Variants in PEAK1 observed in about 807,000 individuals in gnomAD.
The protein encoded by PEAK1 is pseudopodium enriched atypical kinase 1.
Under a neutral mutation model 124.7 loss-of-function variants are expected in PEAK1, and 54 were observed. The ratio of observed to expected loss-of-function variants is 0.43; its 90% CI spans 0.35 to 0.54. The LOEUF is 0.54. Among genes scored for constraint, PEAK1 ranks in the 20% least tolerant of loss-of-function variants. The probability of loss-of-function intolerance (pLI) is 0.01; values close to 1 mark genes in which losing one functional copy is unlikely to be tolerated. For synonymous variants in PEAK1, 719 were observed against 760.0 expected, an observed-to-expected ratio of 0.95 and a Z score of 0.89; for missense variants, 2,046 against 2,134.5, an observed-to-expected ratio of 0.96 and a Z score of 0.82.
At chr15:77,241,079 T>C (rs1252880226) in intron 6 of PEAK1, among the ~76,000 whole-genome samples, 1 of 152,160 alleles carries the variant, frequency 6.6e-6, no homozygotes, top group South Asian at 2.1e-4. Context: ...ATATCTCTCA[T>C]AAACACAAAC....
intron 5 of PEAK1, among the ~76,000 whole-genome samples, chr15:77,256,145 G>A (rs1376372458): frequency 6.6e-6 from 1 of 152,030 alleles, no homozygotes; most frequent in Admixed American, 6.6e-5. Context: ...TACTAATTTG[G>A]GAACATTAAT....
At chr15:77,388,835 G>T in intron 1 of PEAK1, among the ~76,000 whole-genome samples, 1 of 150,962 alleles carries the variant, frequency 6.6e-6, no homozygotes. Context: ...CATCAAACAG[G>T]CCTTATATGA....
At chr15:77,269,753 A>T (rs1488040611) in intron 5 of PEAK1, among the ~76,000 whole-genome samples, 1 of 152,180 alleles carries the variant, frequency 6.6e-6, no homozygotes, top group Non-Finnish European at 1.5e-5. Flanking sequence ...ACTCTCAACA[A>T]ATTTAAGAAA....
chr15:77,319,434 T>G (rs1433315594), intron 2 of PEAK1, among the ~76,000 whole-genome samples: 1 of 152,208 alleles, frequency 6.6e-6, no homozygotes, highest in East Asian at 1.9e-4. Flanking sequence ...AAAGAGTTAA[T>G]CACTGATTTT....
In PEAK1 at chr15:77,181,761, T is replaced by C. The variant is rs375815189; in HGVS notation, c.166A>G (p.Arg56Gly). 9.3e-6 allele frequency: 15 copies of C among 1,614,032 alleles called. No homozygotes were observed. Among genetic ancestry groups the C allele is most frequent in the Non-Finnish European group, 1.3e-5 (15 of 1,180,026 alleles). The stretch of plus-strand genomic sequence containing the variant: ...GGAGGCCGGAAATTGCCCGTGTTCC[T>C]GATGCGGTGGTTGTTACTGTGATTG... Reference protein sequence around the residue: ...NANHSNNHRIRNTGNFRPPVA... With the variant: ...NANHSNNHRIGNTGNFRPPVA... Residue 56 changes from arginine (R) to glycine (G), a missense_variant, in exon 7 of 10, where the codon AGG becomes GGG. Physicochemically the swap from Arg to Gly is moderately radical, Grantham distance 125. Coordinates refer to ENST00000682557, the MANE Select transcript of PEAK1 (RefSeq NM_001385026.1).
intron 6 of PEAK1, among the ~76,000 whole-genome samples, chr15:77,225,694 A>ATATG (rs1381042717): frequency 7.1e-6 from 1 of 140,264 alleles, no homozygotes; most frequent in Non-Finnish European, 1.5e-5. Flanking sequence ...ATATATATAT[A>ATATG]TATGACAATT....
At position 77,120,537 on chromosome 15, in the gene PEAK1, T is replaced by C. The variant is rs777628324; in HGVS notation, c.4078-5218A>G. Among the ~76,000 whole-genome samples the C allele has an allele frequency of 3.9e-5, 6 of 152,314 alleles. No individual in the cohort carries two copies. In the East Asian group the frequency reaches 1.2e-3, roughly 29 times the overall value. ...ATGGCTAATTAATTATCAACTCTCA[T>C]TGACTTTTCTTCTAAATAACTTTCA... On this transcript the variant is annotated intron_variant, in intron 9 of 9. Transcript: ENST00000682557.
intron 5 of PEAK1, among the ~76,000 whole-genome samples, chr15:77,279,346 GA>G (rs2062535961): frequency 6.6e-6 from 1 of 152,074 alleles, no homozygotes; most frequent in African/African-American, 2.4e-5. Context: ...CTGTGGGATG[GA>G]AAAACAAATT....
intron 5 of PEAK1, among the ~76,000 whole-genome samples, chr15:77,268,306 C>T (rs557939046): frequency 6.6e-6 from 1 of 152,116 alleles, no homozygotes; most frequent in Admixed American, 6.5e-5. Context: ...GAAACCCCAT[C>T]TCTCCTAAAA....
At chr15:77,354,222 T>TAC (rs2067367327) in intron 2 of PEAK1, among the ~76,000 whole-genome samples, 1 of 152,192 alleles carries the variant, frequency 6.6e-6, no homozygotes, top group African/African-American at 2.4e-5. Flanking sequence ...TATACCTGAA[T>TAC]ACACACTGGA....
At chr15:77,314,251 C>T (rs1383205705) in intron 2 of PEAK1, among the ~76,000 whole-genome samples, 1 of 151,824 alleles carries the variant, frequency 6.6e-6, no homozygotes, top group African/African-American at 2.4e-5. Context: ...TTTAGTATCC[C>T]CACCCTCAAA....
intron 6 of PEAK1, among the ~76,000 whole-genome samples, chr15:77,236,249 C>G (rs1003450817): frequency 8.5e-5 from 13 of 152,148 alleles, no homozygotes; most frequent in Non-Finnish European, 1.5e-5. Context: ...CAGTGCCAGC[C>G]TGTGAAAGCA....
chr15:77,346,559 G>C (rs2066885640), intron 2 of PEAK1: 7 of 985,356 alleles, frequency 7.1e-6, no homozygotes, highest in Non-Finnish European at 8.4e-6. Flanking sequence ...GCAGAAAATA[G>C]ATGGAAACAG....
At position 77,179,904 on chromosome 15, in the gene PEAK1, G is replaced by A; in HGVS notation, c.2023C>T (p.Pro675Ser). 1 of 1,614,082 alleles carries A rather than the reference G, an allele frequency of 6.2e-7. No individual in the cohort carries two copies. Among genetic ancestry groups the A allele is most frequent in the East Asian group, 2.2e-5 (1 of 44,888 alleles). Residue 675 changes from proline to serine, a missense_variant, in exon 7 of 10, where the codon CCT (proline) becomes TCT (serine). Pro to Ser is a moderately conservative substitution (Grantham distance 74, BLOSUM62 -1). Transcript: ENST00000682557. ...GTGGTTTTGCTAGTGGTGTTATCAG[G>A]CACTTTGCTTTCTGTTTCTATTTCT... ...YEEIETESKV[P>S]DNTTSKTTDC... is the part of the protein sequence containing the mutation.
intron 8 of PEAK1, among the ~76,000 whole-genome samples, chr15:77,148,581 C>T (rs1259471463): frequency 6.6e-6 from 1 of 152,052 alleles, no homozygotes; most frequent in Non-Finnish European, 1.5e-5. Context: ...ATTTTAAATC[C>T]GTTCCACTTT....
chr15:77,193,444 T>A (rs926646225), intron 6 of PEAK1, among the ~76,000 whole-genome samples: 2 of 152,220 alleles, frequency 1.3e-5, no homozygotes, highest in Non-Finnish European at 2.9e-5. Flanking sequence ...ATATCCCCTA[T>A]CCACTTTACT....
At chr15:77,414,205 T>TTC (rs1491077683) in intron 1 of PEAK1, among the ~76,000 whole-genome samples, 2 of 74,026 alleles carry the variant, frequency 2.7e-5, no homozygotes, top group Non-Finnish European at 7.5e-5. Flanking sequence ...CCTTCTTTCC[T>TTC]TCTTTTTTTT....
downstream of PEAK1, chr15:77,107,501 A>C (rs1313877566): frequency 2.6e-5 from 4 of 152,254 alleles, no homozygotes; most frequent in Non-Finnish European, 4.4e-5. Context: ...TCCACTGTAA[A>C]GGGTTTGGTG....
chr15:77,211,095 G>C (rs1267702370), intron 6 of PEAK1, among the ~76,000 whole-genome samples: 1 of 152,076 alleles, frequency 6.6e-6, no homozygotes, highest in African/African-American at 2.4e-5. Flanking sequence ...ATTAAAACAG[G>C]CAAACACATC....
Sources: gnomAD v4.1 joint callset for allele counts (sites outside exome capture counted in the v4.1 genomes callset) on GRCh38, gnomAD v4.1.1 for gene constraint, MANE v1.5 for transcripts, NCBI Gene and HGNC (gene_info 2026-07-23, HGNC 2026-07-21) for gene names.